Variants in DMBT1 observed in about 807,000 individuals in gnomAD.
The protein encoded by DMBT1 is scavenger receptor cysteine-rich domain-containing protein DMBT1.
In DMBT1, 198 loss-of-function variants were observed where a neutral mutation model predicts 252.9. The observed-to-expected ratio is 0.78, with a 90% CI of 0.70 to 0.88. The LOEUF is 0.88. Ranked by LOEUF, DMBT1 falls within the 40% of genes least tolerant of loss-of-function variation. DMBT1 has a pLI of 0.00. For missense variants in DMBT1, 2,432 were observed against 2,404.7 expected (o/e 1.01, Z -0.24); for synonymous variants, 990 against 942.7 (o/e 1.05, Z -0.92).
At chr10:122,580,045 T>C in intron 10 of DMBT1, 144 bp downstream of exon 10, 1 of 1,465,196 alleles carries the variant, frequency 6.8e-7, no homozygotes, top group Non-Finnish European at 9.1e-7. Context: ...TAAGAATCCA[T>C]ATGTACTCAC....
chr10:122,588,336 A>C (rs148376232), intron 16 of DMBT1, among the ~76,000 whole-genome samples: 1 of 146,418 alleles, frequency 6.8e-6, no homozygotes, highest in East Asian at 2.1e-4. Context: ...CTGGTGTTGG[A>C]GGGTAGAGGG....
chr10:122,617,768 T>G (rs1373653106), intron 40 of DMBT1, among the ~76,000 whole-genome samples: 5 of 151,538 alleles, frequency 3.3e-5, no homozygotes, highest in Non-Finnish European at 5.9e-5. Flanking sequence ...AGTGGGGCAT[T>G]CATTCCTGTC....
rs75089537 is a variant in DMBT1 at position 122,575,347 on chromosome 10, C to A, written c.284-1052C>A. On this transcript the variant is annotated intron_variant, in intron 6 of 55. Transcript: ENST00000338354. ...TGTTGGTACAGAAATATTTCCTCCC[C>A]AAGCAGCCCTTTAGAATCAAAGAAC... 5.5e-3 allele frequency among the ~76,000 whole-genome samples: 838 copies of A among 152,276 alleles called. 47 individuals carry two copies. The East Asian group carries it at 0.13, about 24-fold the overall frequency.
intron 44 of DMBT1, among the ~76,000 whole-genome samples, chr10:122,621,919 C>T (rs542060784): frequency 2.0e-5 from 3 of 152,272 alleles, no homozygotes; most frequent in African/African-American, 7.2e-5. Context: ...AACTGCAGTG[C>T]ATTGTGTGTC....
At chr10:122,599,926 C>A in intron 26 of DMBT1, 138 bp from the exon 27 acceptor site, 1 of 1,292,846 alleles carries the variant, frequency 7.7e-7, no homozygotes, top group Non-Finnish European at 1.1e-6. Context: ...TGGGGATGTG[C>A]ATGGCAATGC....
At chr10:122,571,006 C>T (rs1375123578) in intron 4 of DMBT1, 69 bp downstream of exon 4, 3 of 1,551,748 alleles carry the variant, frequency 1.9e-6, no homozygotes, top group East Asian at 2.2e-5. Flanking sequence ...ATCTCTGATT[C>T]AGACGAGGTG....
Position 122,576,356 on chromosome 10 carries a change from C to T in DMBT1, c.284-43C>T, listed in dbSNP as rs770889674. 7 of 1,602,050 alleles carry T rather than the reference C, an allele frequency of 4.4e-6. No individual in the cohort carries two copies. The Admixed American group carries it at 6.7e-5, about 15-fold the overall frequency. On this transcript the variant is annotated intron_variant, in intron 6 of 55. Transcript: ENST00000338354. ...GCCCTGCAGGCCCTGAGACCTTGTG[C>T]CTCAGTAGGAATGTGCAAGAGAAAT...
chr10:122,599,368 C>A (rs1591405175), intron 26 of DMBT1, among the ~76,000 whole-genome samples: 1 of 152,138 alleles, frequency 6.6e-6, no homozygotes, highest in Non-Finnish European at 1.5e-5. Context: ...TGCTGGCTCC[C>A]CAGGGCTCCA....
Position 122,576,625 on chromosome 10 carries a change from C to T in DMBT1, c.510C>T (p.Arg170=), listed in dbSNP as rs2097714684. ...GACCCATTGCCCTGGATGATGTGCG[C>T]TGCTCAGGACACGAATCCTACCTGT... ...GSGPIALDDV[R]CSGHESYLWS... is the part of the protein sequence containing the mutation. The change falls in exon 7 of 56, where the codon CGC becomes CGT. Residue 170 remains arginine, a synonymous_variant. Coordinates refer to ENST00000338354, the MANE Select transcript of DMBT1 (RefSeq NM_001377530.1). 2.5e-6 allele frequency: 4 copies of T among 1,613,734 alleles called. No individual in the cohort carries two copies. Among genetic ancestry groups the T allele is most frequent in the Non-Finnish European group, 3.4e-6 (4 of 1,179,770 alleles).
chr10:122,566,056 G>A (rs1163097803), intron 2 of DMBT1, 60 bp downstream of exon 2: 1 of 1,552,086 alleles, frequency 6.4e-7, no homozygotes, highest in Non-Finnish European at 8.9e-7. Context: ...CTCTGCTACT[G>A]TTGGCTAGTT....
intron 2 of DMBT1, among the ~76,000 whole-genome samples, chr10:122,567,370 G>T (rs1777731065): frequency 6.6e-6 from 1 of 152,218 alleles, no homozygotes; most frequent in Non-Finnish European, 1.5e-5. Context: ...TCCGAATAAG[G>T]CCTCAGGTCT....
In DMBT1 at chr10:122,617,239, A is replaced by T; in HGVS notation, c.4870A>T (p.Thr1624Ser). Residue 1624 changes from threonine to serine, a missense_variant, in exon 40 of 56, where the codon ACC (threonine) becomes TCC (serine). Thr to Ser is a moderately conservative substitution (Grantham distance 58). Coordinates refer to ENST00000338354, the MANE Select transcript of DMBT1 (RefSeq NM_001377530.1). ...QPTPSPDTWPTSRASTAGSES... is the reference protein window; with the variant it reads ...QPTPSPDTWPSSRASTAGSES... ...GTTGCTATTTACAGACACTTGGCCA[A>T]CCTCTCGTGCATCAACAGCAGGTAA... 10 of 1,609,214 alleles carry T rather than the reference A, an allele frequency of 6.2e-6. No individual in the cohort carries two copies. Among genetic ancestry groups the T allele is most frequent in the Non-Finnish European group, 8.5e-6 (10 of 1,178,832 alleles).
At chr10:122,565,726 G>T (rs1241353184) in intron 1 of DMBT1, among the ~76,000 whole-genome samples, 2 of 152,178 alleles carry the variant, frequency 1.3e-5, no homozygotes, top group East Asian at 3.9e-4. Context: ...AGTGTTAGGG[G>T]CCTAGTAAAG....
At chr10:122,589,365 C>A (rs993302822) in intron 17 of DMBT1, 98 bp downstream of exon 17, 4 of 1,517,408 alleles carry the variant, frequency 2.6e-6, no homozygotes, top group Non-Finnish European at 3.6e-6. Flanking sequence ...CTTTTTCAAC[C>A]TTTCCTATGT....
chr10:122,642,158 A>C (rs1844659371), intron 55 of DMBT1, among the ~76,000 whole-genome samples: 1 of 149,130 alleles, frequency 6.7e-6, no homozygotes, highest in South Asian at 2.1e-4. Context: ...CTCCTTTGCC[A>C]CTAAGGGAGC....
At position 122,585,289 on chromosome 10, in the gene DMBT1, C is replaced by T. The variant is rs1299914394; in HGVS notation, c.1439C>T (p.Thr480Ile). ...ATTACAGACACGTTGCCGACCATCA[C>T]CTTACCTGCATCGACAGTAGGTAAA... ...TPSPDTLPTI[T>I]LPASTVGSES... Residue 480 changes from threonine to isoleucine, a missense_variant, in exon 15 of 56, where the codon ACC (threonine) becomes ATC (isoleucine). Physicochemically the swap from Thr to Ile is moderately conservative, Grantham distance 89 (BLOSUM62 -1). Transcript: ENST00000338354. 1.3e-6 allele frequency: 2 copies of T among 1,587,120 alleles called. No individual in the cohort carries two copies. The highest frequency in any genetic ancestry group is 1.7e-6 in the Non-Finnish European group (2 of 1,164,698).
At position 122,589,338 on chromosome 10, in the gene DMBT1, A is replaced by C. The variant is rs1480091669; in HGVS notation, c.2107+71A>C. ...CCCAGGAAGAGAGGTCTTATGTTCT[A>C]ATCTCCTCACTCAGAGCTTTTTCAA... On this transcript the variant is annotated intron_variant, in intron 17 of 55. Coordinates refer to ENST00000338354, the MANE Select transcript of DMBT1 (RefSeq NM_001377530.1). 1.9e-6 allele frequency: 3 copies of C among 1,570,786 alleles called. No homozygotes were observed. In the African/African-American group the frequency reaches 4.0e-5, roughly 21 times the overall value.
At chr10:122,563,162 G>A (rs577442503) in intron 1 of DMBT1, among the ~76,000 whole-genome samples, 1 of 152,358 alleles carries the variant, frequency 6.6e-6, no homozygotes, top group South Asian at 2.1e-4. Flanking sequence ...GCCCAGGTTT[G>A]TGCTGGGCAG....
At chr10:122,592,786 A>G (rs902212211) in intron 20 of DMBT1, among the ~76,000 whole-genome samples, 191 bp downstream of exon 20, 6 of 148,722 alleles carry the variant, frequency 4.0e-5, no homozygotes, top group Non-Finnish European at 9.0e-5. Flanking sequence ...GTCACTTAGG[A>G]CAGGCCCCAA....
Sources: gnomAD v4.1 joint callset for allele counts (sites outside exome capture counted in the v4.1 genomes callset) on GRCh38, gnomAD v4.1.1 for gene constraint, MANE v1.5 for transcripts, NCBI Gene and HGNC (gene_info 2026-07-23, HGNC 2026-07-21) for gene names.